MRC1: variants seen among roughly 807,000 people sequenced by gnomAD.
MRC1 encodes mannose receptor C-type 1, also known as macrophage mannose receptor 1.
MRC1 carries 62 observed loss-of-function variants against 102.9 expected under a neutral mutation model. The ratio of observed to expected loss-of-function variants is 0.60; its 90% CI spans 0.49 to 0.74. MRC1 has a LOEUF of 0.74. Among genes scored for constraint, MRC1 ranks in the 30% least tolerant of loss-of-function variants. MRC1 has a pLI of 0.00. For missense variants in MRC1, 1,237 were observed against 862.8 expected, an observed-to-expected ratio of 1.43 and a Z score of -5.43; for synonymous variants, 457 against 298.4, an observed-to-expected ratio of 1.53 and a Z score of -5.48.
chr10:17,828,703 C>G (rs1838521888), intron 3 of MRC1, among the ~76,000 whole-genome samples: 1 of 151,500 alleles, frequency 6.6e-6, no homozygotes, highest in East Asian at 1.9e-4. Context: ...ATCAATGGAA[C>G]TCGGTAATTT....
intron 26 of MRC1, among the ~76,000 whole-genome samples, chr10:17,905,739 G>A (rs1589197587): frequency 6.6e-6 from 1 of 152,234 alleles, no homozygotes; most frequent in East Asian, 1.9e-4. Context: ...TGGGATACAG[G>A]CATATGGTTA....
At chr10:17,876,295 T>C (rs1217545221) in intron 17 of MRC1, among the ~76,000 whole-genome samples, 1 of 151,374 alleles carries the variant, frequency 6.6e-6, no homozygotes, top group Non-Finnish European at 1.5e-5. Flanking sequence ...TCGCCCAGGC[T>C]GGAGTGCAGT....
chr10:17,831,608 A>G (rs1589168185), intron 3 of MRC1, among the ~76,000 whole-genome samples: 2 of 151,536 alleles, frequency 1.3e-5, no homozygotes, highest in East Asian at 3.9e-4. Flanking sequence ...CTATGTGCTT[A>G]TGGAAAATTG....
intron 20 of MRC1, 74 bp downstream of exon 20, chr10:17,880,744 A>C: frequency 1.3e-6 from 1 of 777,140 alleles, no homozygotes; most frequent in Non-Finnish European, 2.4e-6. Flanking sequence ...GCTCAAAGTT[A>C]ACTTTTGCTA....
At chr10:17,827,458 A>G in intron 2 of MRC1, 84 bp from the exon 3 acceptor site, 1 of 711,946 alleles carries the variant, frequency 1.4e-6, no homozygotes, top group South Asian at 1.4e-5. Flanking sequence ...AGTAAGACCA[A>G]TTCCTTCAGT....
rs1838809958 is a variant in MRC1 at position 17,845,327 on chromosome 10, C to T, written c.955C>T (p.Leu319=). ...SAEPGKSCVS[L]NPGKNAKWEN... ...TGAACCTGGAAAAAGCTGTGTGTCACTAAATCCTGGAAAAAATGCTAAATG... is the reference window on the plus strand; with the variant it reads ...TGAACCTGGAAAAAGCTGTGTGTCATTAAATCCTGGAAAAAATGCTAAATG... Residue 319 remains leucine (L), a synonymous_variant, in exon 6 of 30, where the codon CTA becomes TTA. Transcript: ENST00000569591. The T allele has an allele frequency of 1.3e-6, 1 of 780,688 alleles. No homozygotes were observed. The highest frequency in any genetic ancestry group is 1.7e-5 in the African/African-American group (1 of 59,112). The allele number at this position is 780,688 out of a possible 1,614,324, so 48.4% of individuals were successfully genotyped here.
At chr10:17,825,267 T>G (rs1223647408) in intron 2 of MRC1, among the ~76,000 whole-genome samples, 1 of 152,022 alleles carries the variant, frequency 6.6e-6, no homozygotes, top group African/African-American at 2.4e-5. Flanking sequence ...AGGAATTATT[T>G]TAGAAGAATG....
Position 17,833,815 on chromosome 10 carries a change from A to G in MRC1, c.778A>G (p.Ile260Val). The G allele has an allele frequency of 1.3e-6, 1 of 781,116 alleles. No homozygotes were observed. 48.4% of individuals were successfully genotyped at this position (781,116 alleles called of 1,614,324 possible). A position where few individuals can be genotyped will look rare whatever the true frequency, so the allele number is the denominator to read the frequency against. Residue 260 changes from isoleucine (I) to valine (V), a missense_variant, in exon 4 of 30, where the codon ATT becomes GTT. Ile to Val is a conservative substitution (Grantham distance 29). Coordinates refer to ENST00000569591, the MANE Select transcript of MRC1 (RefSeq NM_002438.4). Reference protein sequence around the residue: ...QNAELLSITEIHEQTYLTGLT... With the variant: ...QNAELLSITEVHEQTYLTGLT... ...CGCTGAGCTCCTGAGCATCACAGAGATTCATGAGCAAACATACCTGACAGG... is the reference window on the plus strand; with the variant it reads ...CGCTGAGCTCCTGAGCATCACAGAGGTTCATGAGCAAACATACCTGACAGG...
At chr10:17,859,889 G>T (rs996006017) in intron 9 of MRC1, among the ~76,000 whole-genome samples, 5 of 152,118 alleles carry the variant, frequency 3.3e-5, no homozygotes, top group Non-Finnish European at 7.4e-5. Flanking sequence ...CTCAGGAATT[G>T]TTTTTTTCCG....
At chr10:17,844,243 G>A (rs1838792256) in intron 5 of MRC1, among the ~76,000 whole-genome samples, 1 of 151,960 alleles carries the variant, frequency 6.6e-6, no homozygotes, top group African/African-American at 2.4e-5. Flanking sequence ...TTTTGAGACA[G>A]AGTCTCACTC....
chr10:17,832,909 A>G (rs911275473), intron 3 of MRC1, among the ~76,000 whole-genome samples: 41 of 152,034 alleles, frequency 2.7e-4, no homozygotes, highest in African/African-American at 9.9e-4. Context: ...TTATATATGT[A>G]GGGGGTATAT....
chr10:17,823,011 ACATGAAT>A, intron 1 of MRC1, 56 bp from the exon 2 acceptor site: 2 of 771,670 alleles, frequency 2.6e-6, no homozygotes, highest in Non-Finnish European at 4.8e-6. Context: ...CGTCCTTGTT[ACATGAAT>A]CCACTTAGCC....
In MRC1 at chr10:17,873,765, T is replaced by C. The variant is rs1693179804; in HGVS notation, c.2345-19T>C. 1.1e-6 allele frequency: 1 copy of C among 872,164 alleles called. No individual in the cohort carries two copies. Among genetic ancestry groups the C allele is most frequent in the African/African-American group, 1.6e-5 (1 of 61,312 alleles). 54.0% of individuals were successfully genotyped at this position (872,164 alleles called of 1,614,324 possible). ...GAAGTTTAAGTACACTTTATTTCTA[T>C]TTTTCTCTTGTTTTACAGGACAAAC... is the stretch of plus-strand genomic sequence containing the variant. On this transcript the variant is annotated intron_variant, in intron 15 of 29. Transcript: ENST00000569591.
At chr10:17,894,983 G>T (rs1173065738) in intron 23 of MRC1, among the ~76,000 whole-genome samples, 2 of 152,066 alleles carry the variant, frequency 1.3e-5, no homozygotes, top group African/African-American at 4.8e-5. Flanking sequence ...GACCAGCCTG[G>T]TTAACACAGT....
At chr10:17,815,679 G>A (rs1838299785) in intron 1 of MRC1, among the ~76,000 whole-genome samples, 2 of 152,140 alleles carry the variant, frequency 1.3e-5, no homozygotes, top group African/African-American at 4.8e-5. Context: ...CCCATACTGG[G>A]TTCATATTAT....
At chr10:17,859,294 A>T (rs1198743800) in intron 9 of MRC1, among the ~76,000 whole-genome samples, 1 of 152,042 alleles carries the variant, frequency 6.6e-6, no homozygotes, top group African/African-American at 2.4e-5. Context: ...CTTCCTTAAA[A>T]TGGGACATTT....
intron 22 of MRC1, 34 bp from the exon 23 acceptor site, chr10:17,894,176 A>T: frequency 1.2e-6 from 1 of 869,552 alleles, no homozygotes; most frequent in Non-Finnish European, 2.0e-6. Flanking sequence ...TTGATTCATG[A>T]TTGTTTTCTT....
chr10:17,904,729 G>A lies in MRC1; in HGVS notation c.3800-2157G>A, dbSNP rs992368193. 3.7e-4 allele frequency among the ~76,000 whole-genome samples: 56 copies of A among 152,244 alleles called. 1 individual carries two copies. The East Asian group carries it at 9.9e-3, about 27-fold the overall frequency. On this transcript the variant is annotated intron_variant, in intron 26 of 29. Coordinates refer to ENST00000569591, the MANE Select transcript of MRC1 (RefSeq NM_002438.4). ...TTAGCTTTCACTTCCTGCTTGTGTA[G>A]TGCATCTTCAGCCAGATGCAAGAAC...
chr10:17,869,287 G>A (rs991408924), intron 12 of MRC1, among the ~76,000 whole-genome samples: 4 of 152,162 alleles, frequency 2.6e-5, no homozygotes, highest in African/African-American at 4.8e-5. Flanking sequence ...AGTCTAGCAA[G>A]TTGAGGCATC....
Sources: allele counts gnomAD v4.1 joint callset (sites outside exome capture counted in the v4.1 genomes callset), GRCh38; gene constraint gnomAD v4.1.1; transcripts MANE v1.5; gene names NCBI Gene and HGNC (gene_info 2026-07-23, HGNC 2026-07-21).